Variants in NFATC2 observed in about 807,000 individuals in gnomAD.
NFATC2 encodes the protein nuclear factor of activated T-cells, cytoplasmic 2.
Under a neutral mutation model 87.3 loss-of-function variants are expected in NFATC2, and 22 were observed. The observed-to-expected ratio is 0.25, with a 90% CI of 0.18 to 0.36. The LOEUF is 0.36. NFATC2 is among the 10% of genes least tolerant of loss of function. NFATC2 has a pLI of 1.00. For missense variants in NFATC2, 1,149 were observed against 1,259.1 expected, an observed-to-expected ratio of 0.91 and a Z score of 1.32; for synonymous variants, 565 against 542.2, an observed-to-expected ratio of 1.04 and a Z score of -0.58.
intron 3 of NFATC2, among the ~76,000 whole-genome samples, chr20:51,485,435 G>A (rs911122852): frequency 1.3e-5 from 2 of 152,082 alleles, no homozygotes; most frequent in African/African-American, 2.4e-5. Context: ...CAACATTCCC[G>A]TCCCCACCAT....
chr20:51,410,591 G>C (rs1431263202), intron 9 of NFATC2, among the ~76,000 whole-genome samples: 4 of 151,950 alleles, frequency 2.6e-5, no homozygotes, highest in Non-Finnish European at 5.9e-5. Flanking sequence ...AGAGAAGAAA[G>C]AAGGTAATGA....
Position 51,516,778 on chromosome 20 carries a change from C to T in NFATC2, c.1332+6G>A. The stretch of plus-strand genomic sequence containing the variant: ...CACACAAAAGGAAGAGCATTCAAGT[C>T]CATACCTGAACCACAGGGTGGCCTC... On this transcript the variant is annotated splice_donor_region_variant and intron_variant, in intron 3 of 10. Transcript: ENST00000371564. 1.2e-6 allele frequency: 2 copies of T among 1,601,690 alleles called. No homozygotes were observed. The highest frequency in any genetic ancestry group is 8.5e-7 in the Non-Finnish European group (1 of 1,173,024).
At chr20:51,435,050 A>T in intron 8 of NFATC2, 138 bp downstream of exon 8, 1 of 1,068,120 alleles carries the variant, frequency 9.4e-7, no homozygotes, top group Non-Finnish European at 1.4e-6. Flanking sequence ...ATGCTGTCTC[A>T]CAGATGATGC....
upstream of NFATC2, among the ~76,000 whole-genome samples, chr20:51,543,656 C>T (rs2076860578): frequency 1.3e-5 from 2 of 152,022 alleles, no homozygotes; most frequent in South Asian, 4.1e-4. Context: ...ATTCCCAGGC[C>T]CCTCCCTGGA....
At chr20:51,428,498 G>C (rs1310156561) in intron 9 of NFATC2, among the ~76,000 whole-genome samples, 1 of 152,200 alleles carries the variant, frequency 6.6e-6, no homozygotes, top group Admixed American at 6.5e-5. Context: ...GAACAAACGG[G>C]GCCAAGCCAG....
rs773015519 is a variant in NFATC2, at chr20:51,465,537, G to A, written c.1708+8443C>T. On this transcript the variant is annotated intron_variant, in intron 5 of 10. Coordinates refer to ENST00000371564, the MANE Select transcript of NFATC2 (RefSeq NM_012340.5). ...TATAACACTCCACACAGTCTCCCTGGGTACCTTTCTCCTCCCTGGAGACCC... is the reference window on the plus strand; with the variant it reads ...TATAACACTCCACACAGTCTCCCTGAGTACCTTTCTCCTCCCTGGAGACCC... 2.6e-4 allele frequency among the ~76,000 whole-genome samples: 40 copies of A among 151,926 alleles called. 1 individual carries two copies. The highest frequency in any genetic ancestry group is 5.6e-4 in the Non-Finnish European group (38 of 67,994).
chr20:51,489,734 A>G (rs567518443), intron 3 of NFATC2, among the ~76,000 whole-genome samples: 1 of 152,336 alleles, frequency 6.6e-6, no homozygotes, highest in South Asian at 2.1e-4. Context: ...AATCTGAAAG[A>G]AACTGCCATG....
chr20:51,432,956 G>A lies in NFATC2; in HGVS notation c.2033-200C>T, dbSNP rs1488799148. ...AGGTAGGAAATTTTACCCTGGCCAT[G>A]AACATCTTGAATTATAGATTTTTCC... On this transcript the variant is annotated intron_variant, in intron 8 of 10. Transcript: ENST00000371564. This position sits in a 1 kb window ranked among gnomAD's most constrained non-coding sequence, Gnocchi z 4.6. 6.6e-6 allele frequency among the ~76,000 whole-genome samples: 1 copy of A among 152,114 alleles called. No homozygotes were observed. Among genetic ancestry groups the A allele is most frequent in the African/African-American group, 2.4e-5 (1 of 41,400 alleles).
intron 9 of NFATC2, among the ~76,000 whole-genome samples, chr20:51,403,687 A>T (rs1988283903): frequency 6.6e-6 from 1 of 152,144 alleles, no homozygotes; most frequent in African/African-American, 2.4e-5. Flanking sequence ...GGTCAGTCTC[A>T]TTGTCTCACA....
At chr20:51,533,822 C>G (rs1721724034) in intron 1 of NFATC2, among the ~76,000 whole-genome samples, 1 of 152,206 alleles carries the variant, frequency 6.6e-6, no homozygotes, top group Admixed American at 6.5e-5. Context: ...ACACGTATTG[C>G]TTTTGGATAG....
intron 6 of NFATC2, among the ~76,000 whole-genome samples, chr20:51,448,609 G>C (rs933528188): frequency 6.6e-6 from 1 of 152,080 alleles, no homozygotes; most frequent in Non-Finnish European, 1.5e-5. Context: ...GCGCACTCGC[G>C]CCACGCCACT....
chr20:51,394,353 A>G (rs1279179209), intron 10 of NFATC2, among the ~76,000 whole-genome samples: 2 of 152,000 alleles, frequency 1.3e-5, no homozygotes, highest in Non-Finnish European at 2.9e-5. Flanking sequence ...GTGCCCTTTC[A>G]CCATGCCATT....
At chr20:51,491,405 A>C (rs1443652609) in intron 3 of NFATC2, among the ~76,000 whole-genome samples, 1 of 152,196 alleles carries the variant, frequency 6.6e-6, no homozygotes, top group Non-Finnish European at 1.5e-5. Context: ...CTGGGTTTGC[A>C]TGCGCTGTGC....
upstream of NFATC2, chr20:51,542,816 G>C (rs1161677344): frequency 1.3e-6 from 1 of 764,074 alleles, no homozygotes; most frequent in Non-Finnish European, 1.6e-6. Context: ...CCGCCACCAG[G>C]GGACCGGAGG....
Position 51,524,893 on chromosome 20 carries a change from T to C in NFATC2, c.131-783A>G, listed in dbSNP as rs1463519657. ...GCCCCCCAACAGGCAGGGTCACTGCTACAGAGGTTACCTGACACCCAAACT... is the reference window on the plus strand; with the variant it reads ...GCCCCCCAACAGGCAGGGTCACTGCCACAGAGGTTACCTGACACCCAAACT... On this transcript the variant is annotated intron_variant, in intron 1 of 10. Coordinates refer to ENST00000371564, the MANE Select transcript of NFATC2 (RefSeq NM_012340.5). This position sits in a 1 kb window ranked among gnomAD's most constrained non-coding sequence, Gnocchi z 4.0. Among the ~76,000 whole-genome samples the C allele has an allele frequency of 6.6e-6, 1 of 152,048 alleles. No homozygotes were observed. The highest frequency in any genetic ancestry group is 2.4e-5 in the African/African-American group (1 of 41,410).
intron 5 of NFATC2, among the ~76,000 whole-genome samples, chr20:51,465,391 T>A (rs1569014456): frequency 6.6e-6 from 1 of 151,986 alleles, no homozygotes; most frequent in Non-Finnish European, 1.5e-5. Context: ...AAAAACTATA[T>A]ATATAGAAAT....
chr20:51,515,224 C>T (rs555591857), intron 3 of NFATC2, among the ~76,000 whole-genome samples: 54 of 152,234 alleles, frequency 3.5e-4, no homozygotes, highest in Admixed American at 1.5e-3. Flanking sequence ...AGAGATGGTG[C>T]GAGGTTTACC....
chr20:51,520,024 T>C (rs1354699490), intron 2 of NFATC2, among the ~76,000 whole-genome samples: 1 of 152,186 alleles, frequency 6.6e-6, no homozygotes, highest in African/African-American at 2.4e-5. Context: ...GAGATCAATG[T>C]TATCAAGAGA....
At chr20:51,475,393 C>CCCTGCCA in intron 4 of NFATC2, 65 bp downstream of exon 4, 1 of 1,539,806 alleles carries the variant, frequency 6.5e-7, no homozygotes, top group Non-Finnish European at 9.0e-7. Flanking sequence ...TCTCCCAAAT[C>CCCTGCCA]CCTGCCACCT....
Sources: allele counts gnomAD v4.1 joint callset (sites outside exome capture counted in the v4.1 genomes callset), GRCh38; gene constraint gnomAD v4.1.1; non-coding constraint Gnocchi (gnomAD v3.1); transcripts MANE v1.5; gene names NCBI Gene and HGNC (gene_info 2026-07-23, HGNC 2026-07-21).